Variants in SYN3 observed in about 807,000 individuals in gnomAD.
SYN3 encodes the protein synapsin-3.
A neutral mutation model predicts 65.8 loss-of-function variants in SYN3; 35 were observed. That is an observed-to-expected ratio of 0.53 (90% confidence interval 0.41 to 0.70). SYN3 has a LOEUF of 0.70. Among genes scored for constraint, SYN3 ranks in the 30% least tolerant of loss-of-function variants. The pLI is 0.00. For missense variants in SYN3, 680 were observed against 749.0 expected (o/e 0.91, Z 1.08); for synonymous variants, 270 against 292.9 (o/e 0.92, Z 0.80).
chr22:32,738,110 G>A (rs140675524), intron 6 of SYN3, among the ~76,000 whole-genome samples: 18 of 152,220 alleles, frequency 1.2e-4, no homozygotes, highest in African/African-American at 4.1e-4. Context: ...CGTTGACCCC[G>A]TACCAAGCAC....
intron 3 of SYN3, among the ~76,000 whole-genome samples, chr22:32,949,049 T>C (rs1268549575): frequency 1.3e-5 from 2 of 152,120 alleles, no homozygotes; most frequent in Non-Finnish European, 2.9e-5. Context: ...GTTGAGCATC[T>C]CTAATCCCAA....
chr22:32,719,764 C>CTT (rs1326074054), intron 6 of SYN3, among the ~76,000 whole-genome samples: 1 of 152,096 alleles, frequency 6.6e-6, no homozygotes, highest in Non-Finnish European at 1.5e-5. Flanking sequence ...GGGAGGATGG[C>CTT]TTTAGCCTAG....
chr22:32,786,188 G>A (rs191145468), intron 6 of SYN3, among the ~76,000 whole-genome samples: 12 of 152,160 alleles, frequency 7.9e-5, no homozygotes, highest in East Asian at 1.9e-4. Context: ...GTTTGTAGCC[G>A]AGGAAGCTGA....
At chr22:32,969,039 C>T (rs918945550) in intron 3 of SYN3, among the ~76,000 whole-genome samples, 1 of 152,188 alleles carries the variant, frequency 6.6e-6, no homozygotes, top group African/African-American at 2.4e-5. Context: ...ACTGGAGTCT[C>T]ATTTATCAAT....
chr22:32,671,849 GCACACACACGCTCTCACACAGGTA>G (rs2060375637), intron 6 of SYN3, among the ~76,000 whole-genome samples: 1 of 149,182 alleles, frequency 6.7e-6, no homozygotes, highest in Non-Finnish European at 1.5e-5. Context: ...TCACAAAGGT[GCACACACACGCTCTCACACAGGTA>G]CACACACACA....
At chr22:32,791,527 A>G (rs1602156923) in intron 6 of SYN3, among the ~76,000 whole-genome samples, 1 of 151,660 alleles carries the variant, frequency 6.6e-6, no homozygotes. Flanking sequence ...GCATTCTGGG[A>G]AGAAAGACCC....
intron 3 of SYN3, among the ~76,000 whole-genome samples, chr22:32,980,183 T>C (rs1307516848): frequency 6.6e-6 from 1 of 152,120 alleles, no homozygotes. Flanking sequence ...CACAATGATA[T>C]AAGGAAATCA....
At chr22:32,774,903 T>C (rs575536327) in intron 6 of SYN3, among the ~76,000 whole-genome samples, 73 of 152,356 alleles carry the variant, frequency 4.8e-4, no homozygotes, top group African/African-American at 1.7e-3. Flanking sequence ...AGGGGTCTTG[T>C]CTGGTTACCC....
At chr22:32,848,980 T>A (rs1258498129) in intron 6 of SYN3, among the ~76,000 whole-genome samples, 1 of 152,052 alleles carries the variant, frequency 6.6e-6, no homozygotes, top group African/African-American at 2.4e-5. Flanking sequence ...CCTGTAGACA[T>A]GTCAAGATGT....
At chr22:32,818,584 G>A (rs955776357) in intron 6 of SYN3, among the ~76,000 whole-genome samples, 30 of 152,172 alleles carry the variant, frequency 2.0e-4, no homozygotes, top group African/African-American at 7.0e-4. Context: ...GAAGGATAGG[G>A]CTGGTGGACT....
chr22:32,677,907 T>C (rs1414842278), intron 6 of SYN3, among the ~76,000 whole-genome samples: 1 of 152,100 alleles, frequency 6.6e-6, no homozygotes, highest in Non-Finnish European at 1.5e-5. Context: ...TGTATGTTGA[T>C]AGGAATTCAG....
At chr22:32,807,384 T>TA (rs1420904329) in intron 6 of SYN3, among the ~76,000 whole-genome samples, 111 of 107,114 alleles carry the variant, frequency 1.0e-3, no homozygotes, top group African/African-American at 4.0e-3. Flanking sequence ...ATATAATATA[T>TA]ATTATATATA....
intron 3 of SYN3, among the ~76,000 whole-genome samples, chr22:32,962,343 C>G (rs2051682365): frequency 1.3e-5 from 2 of 151,936 alleles, no homozygotes; most frequent in Non-Finnish European, 2.9e-5. Flanking sequence ...ACTATGTTGG[C>G]CAGGATGGTC....
At chr22:32,828,352 G>A (rs2047474723) in intron 6 of SYN3, among the ~76,000 whole-genome samples, 1 of 152,224 alleles carries the variant, frequency 6.6e-6, no homozygotes, top group Non-Finnish European at 1.5e-5. Flanking sequence ...TTATGTTGAT[G>A]TGAAGTAGCA....
intron 6 of SYN3, among the ~76,000 whole-genome samples, chr22:32,832,414 C>T (rs1357200508): frequency 1.3e-5 from 2 of 151,944 alleles, no homozygotes; most frequent in African/African-American, 4.8e-5. Flanking sequence ...AACAAGGGCT[C>T]CAGGAGGAAA....
intron 4 of SYN3, 107 bp from the exon 5 acceptor site, chr22:32,869,232 T>A (rs2048773709): frequency 7.7e-7 from 1 of 1,293,162 alleles, no homozygotes; most frequent in African/African-American, 1.5e-5. Context: ...GGGCGGCAGC[T>A]TAGTTCAGAA....
chr22:32,988,602 T>C lies in SYN3; in HGVS notation c.312-7900A>G, dbSNP rs530112899. ...CTAATGGGAGGGACAGACACAAAAA[T>C]AGAAAATGACCACACAGAGCATTCA... is the stretch of plus-strand genomic sequence containing the variant. On this transcript the variant is annotated intron_variant, in intron 2 of 13. Coordinates refer to ENST00000358763, the MANE Select transcript of SYN3 (RefSeq NM_003490.4). Among the ~76,000 whole-genome samples, 26 of 151,898 alleles carry C rather than the reference T, an allele frequency of 1.7e-4. 1 individual carries two copies. The highest frequency in any genetic ancestry group is 5.6e-4 in the African/African-American group (23 of 41,408).
At chr22:32,757,757 G>A (rs1349427798) in intron 6 of SYN3, among the ~76,000 whole-genome samples, 1 of 152,186 alleles carries the variant, frequency 6.6e-6, no homozygotes, top group East Asian at 1.9e-4. Flanking sequence ...ACATCTCTTA[G>A]TATTACCATG....
rs77005130 is a variant in SYN3 at position 32,854,654 on chromosome 22, C to A, written c.711+10261G>T. ...CGCTTAAACATGGTTCCTGTTAAGG[C>A]TAGAGAGGCACCATTCACATAGAAG... On this transcript the variant is annotated intron_variant, in intron 6 of 13. Transcript: ENST00000358763. Among the ~76,000 whole-genome samples, 1,082 of 152,284 alleles carry A rather than the reference C, an allele frequency of 7.1e-3. 6 individuals carry two copies. The highest frequency in any genetic ancestry group is 0.014 in the African/African-American group (570 of 41,556).
Sources: allele counts gnomAD v4.1 joint callset (sites outside exome capture counted in the v4.1 genomes callset), GRCh38; gene constraint gnomAD v4.1.1; transcripts MANE v1.5; gene names NCBI Gene and HGNC (gene_info 2026-07-23, HGNC 2026-07-21).